Variants in RNLS observed in about 807,000 individuals in gnomAD.
The protein encoded by RNLS is renalase, FAD dependent amine oxidase, also known as renalase.
Under a neutral mutation model 39.8 loss-of-function variants are expected in RNLS, and 39 were observed. The observed-to-expected ratio is 0.98, with a 90% CI of 0.76 to 1.28. The LOEUF (loss-of-function observed/expected upper bound fraction) is 1.28. Ranked by LOEUF, RNLS falls within the 50% of genes most tolerant of loss-of-function variation. The pLI is 0.00. For synonymous variants in RNLS, 147 were observed against 150.7 expected (o/e 0.98, Z 0.18); for missense variants, 410 against 413.3 (o/e 0.99, Z 0.07).
intron 5 of RNLS, among the ~76,000 whole-genome samples, chr10:88,317,667 A>G (rs1845863458): frequency 6.6e-6 from 1 of 152,208 alleles, no homozygotes; most frequent in Non-Finnish European, 1.5e-5. Flanking sequence ...GTCACCATCA[A>G]GCTGCTGGTT....
intron 4 of RNLS, among the ~76,000 whole-genome samples, chr10:88,509,349 T>C (rs892141393): frequency 1.3e-5 from 2 of 151,924 alleles, no homozygotes; most frequent in Non-Finnish European, 2.9e-5. Flanking sequence ...TTGTTCCCCA[T>C]TGCATTCACA....
the RNLS span, among the ~76,000 whole-genome samples, chr10:88,221,672 C>T: frequency 6.6e-6 from 1 of 152,198 alleles, no homozygotes; most frequent in East Asian, 1.9e-4. Flanking sequence ...CGATTTTGGG[C>T]ACACAATCTT....
In RNLS at chr10:88,362,560, C is replaced by T. The variant is rs771895057; in HGVS notation, c.692G>A (p.Arg231His). 49 of 1,613,394 alleles carry T rather than the reference C, an allele frequency of 3.0e-5. No individual in the cohort carries two copies. The highest frequency in any genetic ancestry group is 1.1e-4 in the South Asian group (10 of 91,024). The change falls in exon 5 of 7, where the codon CGC becomes CAC. Residue 231 changes from arginine (R) to histidine (H), a missense_variant. Transcript: ENST00000331772. ...ATAATAGGGGTACTGACCTATATTG[C>T]GCTTCTTATTATCAATGGAGACGAA... ...IRFVSIDNKK[R>H]NIESSEIGPS...
the RNLS span, among the ~76,000 whole-genome samples, chr10:88,200,991 CTTT>C: frequency 8.1e-5 from 12 of 147,496 alleles, no homozygotes; most frequent in African/African-American, 2.0e-4. Context: ...AAAATGAATC[CTTT>C]TTTTTTTTTT....
chr10:88,294,963 T>C (rs1178675281), intron 6 of RNLS, among the ~76,000 whole-genome samples: 2 of 152,164 alleles, frequency 1.3e-5, no homozygotes, highest in East Asian at 3.9e-4. Flanking sequence ...TTAACCACCT[T>C]CTCTTTTGTC....
At chr10:88,345,886 C>G (rs1035428293) in intron 5 of RNLS, among the ~76,000 whole-genome samples, 1 of 151,942 alleles carries the variant, frequency 6.6e-6, no homozygotes, top group African/African-American at 2.4e-5. Context: ...TGCTGAGTTA[C>G]AGTATGAAAA....
At chr10:88,370,841 G>A (rs1274101861) in intron 4 of RNLS, among the ~76,000 whole-genome samples, 1 of 152,128 alleles carries the variant, frequency 6.6e-6, no homozygotes, top group African/African-American at 2.4e-5. Flanking sequence ...TAAAAGCACG[G>A]AATCAGTCTT....
the RNLS span, among the ~76,000 whole-genome samples, chr10:88,246,698 G>A: frequency 6.6e-6 from 1 of 152,068 alleles, no homozygotes; most frequent in Non-Finnish European, 1.5e-5. Flanking sequence ...AAGAAAGTAG[G>A]TGTAGAGACA....
At chr10:88,440,154 T>C (rs1372314423) in intron 4 of RNLS, among the ~76,000 whole-genome samples, 1 of 152,200 alleles carries the variant, frequency 6.6e-6, no homozygotes, top group Admixed American at 6.5e-5. Context: ...TCAACAAACA[T>C]TTGTACTCTC....
the RNLS span, among the ~76,000 whole-genome samples, chr10:88,262,734 C>T: frequency 6.6e-6 from 1 of 152,188 alleles, no homozygotes; most frequent in Non-Finnish European, 1.5e-5. Context: ...TTTTCAAGGT[C>T]TCCCGTGTCT....
chr10:88,281,084 T>C (rs1307979722), downstream of RNLS, among the ~76,000 whole-genome samples: 1 of 152,220 alleles, frequency 6.6e-6, no homozygotes, highest in Non-Finnish European at 1.5e-5. Context: ...CAGATGATAC[T>C]GGCTAAAACA....
At chr10:88,360,155 T>G (rs1357496851) in intron 5 of RNLS, among the ~76,000 whole-genome samples, 2 of 152,234 alleles carry the variant, frequency 1.3e-5, no homozygotes, top group Non-Finnish European at 2.9e-5. Context: ...TTGAAGATAA[T>G]GGACATTATT....
chr10:88,318,218 T>C (rs1354709846), intron 5 of RNLS, among the ~76,000 whole-genome samples: 9 of 152,158 alleles, frequency 5.9e-5, no homozygotes, highest in Admixed American at 5.9e-4. Context: ...CTGGCAAACA[T>C]GGGGCTGTTG....
At chr10:88,200,790 G>A in the RNLS span, among the ~76,000 whole-genome samples, 1 of 152,130 alleles carries the variant, frequency 6.6e-6, no homozygotes, top group African/African-American at 2.4e-5. Context: ...TTTGTGTGTA[G>A]ACTGCAAGGG....
At chr10:88,474,878 A>C (rs1417722574) in intron 4 of RNLS, among the ~76,000 whole-genome samples, 8 of 152,106 alleles carry the variant, frequency 5.3e-5, no homozygotes, top group Non-Finnish European at 1.2e-4. Context: ...TTAAGGCCAG[A>C]CTCCTGAGAC....
chr10:88,581,276 A>G (rs966595102), intron 3 of RNLS, among the ~76,000 whole-genome samples: 1 of 133,928 alleles, frequency 7.5e-6, no homozygotes, highest in African/African-American at 3.0e-5. Context: ...AGAAATATAT[A>G]TGTATGTGTG....
At chr10:88,335,008 A>G (rs988776350) in intron 5 of RNLS, among the ~76,000 whole-genome samples, 1 of 152,208 alleles carries the variant, frequency 6.6e-6, no homozygotes, top group Non-Finnish European at 1.5e-5. Context: ...AACAACTTAC[A>G]TTAAAATAAG....
chr10:88,442,274 A>G (rs1841756879), intron 4 of RNLS, among the ~76,000 whole-genome samples: 1 of 152,178 alleles, frequency 6.6e-6, no homozygotes, highest in Non-Finnish European at 1.5e-5. Context: ...TCTTAAGTAT[A>G]TTGTTTATTT....
At chr10:88,471,363 C>T (rs769948568) in intron 4 of RNLS, among the ~76,000 whole-genome samples, 4 of 152,156 alleles carry the variant, frequency 2.6e-5, no homozygotes, top group Non-Finnish European at 5.9e-5. Context: ...ACTGCTAGGT[C>T]AATGTTATGC....
Sources: allele counts gnomAD v4.1 joint callset (sites outside exome capture counted in the v4.1 genomes callset), GRCh38; gene constraint gnomAD v4.1.1; transcripts MANE v1.5; gene names NCBI Gene and HGNC (gene_info 2026-07-23, HGNC 2026-07-21).